COL2A1: variants seen among roughly 807,000 people sequenced by gnomAD.
The protein encoded by COL2A1 is collagen type II alpha 1 chain.
In COL2A1, 28 loss-of-function variants were observed where a neutral mutation model predicts 204.5. The observed-to-expected ratio is 0.14, with a 90% CI of 0.10 to 0.19. The LOEUF is 0.19. Among genes scored for constraint, COL2A1 ranks in the 10% least tolerant of loss-of-function variants. The pLI, the probability that COL2A1 is intolerant of heterozygous loss-of-function variation, is 1.00. For synonymous variants in COL2A1, 708 were observed against 718.7 expected (o/e 0.99, Z 0.24); for missense variants, 1,388 against 2,027.5 (o/e 0.68, Z 6.06).
At chr12:47,995,167 G>T (rs1939893878) in intron 11 of COL2A1, 88 bp downstream of exon 11, 1 of 1,133,026 alleles carries the variant, frequency 8.8e-7, no homozygotes, top group African/African-American at 1.5e-5. Flanking sequence ...TCCACCCTGG[G>T]TGCCTCCCTG....
chr12:48,005,524 C>A (rs911802160), upstream of COL2A1: 2 of 152,218 alleles, frequency 1.3e-5, no homozygotes, highest in Non-Finnish European at 2.9e-5. Context: ...GGGAGAAGCG[C>A]CAGAATTTCC....
At position 47,978,588 on chromosome 12, in the gene COL2A1, G is replaced by A; in HGVS notation, c.2895+9C>T. The stretch of plus-strand genomic sequence containing the variant: ...AGGGACCTTGGCATGGGCCTGGTGA[G>A]GGACTTACAGAGGGACCGTCATCTC... On this transcript the variant is annotated intron_variant, in intron 42 of 53. Transcript: ENST00000380518. The surrounding 1 kb of genome is among the most constrained non-coding windows in gnomAD (Gnocchi z 5.5). 1.9e-6 allele frequency: 3 copies of A among 1,613,456 alleles called. No individual in the cohort carries two copies. Among genetic ancestry groups the A allele is most frequent in the Non-Finnish European group, 2.5e-6 (3 of 1,179,920 alleles).
intron 26 of COL2A1, 50 bp from the exon 27 acceptor site, chr12:47,985,143 A>G (rs1456161938): frequency 6.8e-7 from 1 of 1,472,886 alleles, no homozygotes; most frequent in African/African-American, 1.4e-5. Flanking sequence ...GACCACATCC[A>G]TCCACCCAAC....
chr12:47,978,841 A>G lies in COL2A1; in HGVS notation c.2734-83T>C. 6.9e-7 allele frequency: 1 copy of G among 1,448,230 alleles called. No homozygotes were observed. The highest frequency in any genetic ancestry group is 9.6e-7 in the Non-Finnish European group (1 of 1,036,748). 89.7% of individuals were successfully genotyped at this position (1,448,230 alleles called of 1,614,324 possible). ...CCAAAGTCACTGTGGCCTCAGTGAC[A>G]GCAGTTTCCTCTCTGGGGGCTTCTC... On this transcript the variant is annotated intron_variant, in intron 41 of 53. Transcript: ENST00000380518. This position sits in a 1 kb window ranked among gnomAD's most constrained non-coding sequence, Gnocchi z 5.5.
chr12:47,998,431 C>T lies in COL2A1; in HGVS notation c.293G>A (p.Gly98Glu). The T allele has an allele frequency of 6.2e-7, 1 of 1,610,700 alleles. No individual in the cohort carries two copies. Among genetic ancestry groups the T allele is most frequent in the Non-Finnish European group, 8.5e-7 (1 of 1,178,082 alleles). Residue 98 changes from glycine to glutamate, a missense_variant and splice_region_variant, in exon 3 of 54, where the codon GGG (glycine) becomes GAG (glutamate). This residue lies in a region of COL2A1 where 201 missense variants were observed against 242.4 expected (regional missense o/e 0.83). Coordinates refer to ENST00000380518, the MANE Select transcript of COL2A1 (RefSeq NM_001844.5). Reference sequence around the variant, plus strand: ...AGCCCTTACCTTTGGTCCTGGTTGCCCTGCAAGGGAAAAAATATAGAGAAG... The same window carrying T: ...AGCCCTTACCTTTGGTCCTGGTTGCTCTGCAAGGGAAAAAATATAGAGAAG... ...ICPTDLATAS[G>E]QPGPKGQKGE...
chr12:47,978,771 A>T lies in COL2A1; in HGVS notation c.2734-13T>A, dbSNP rs186360720. The T allele has an allele frequency of 9.9e-6, 16 of 1,611,794 alleles. No homozygotes were observed. In the East Asian group the frequency reaches 3.1e-4, roughly 31 times the overall value. ...GTCCAGGGTTGCCCTAGAAGGAGAA[A>T]ATGCGGGAAGTGAGGACTCATCTCA... On this transcript the variant is annotated splice_polypyrimidine_tract_variant and intron_variant, in intron 41 of 53. Transcript: ENST00000380518. The surrounding 1 kb of genome is among the most constrained non-coding windows in gnomAD (Gnocchi z 5.5).
chr12:47,978,480 C>T lies in COL2A1; in HGVS notation c.2896-82G>A, dbSNP rs1054449911. 1.3e-6 allele frequency: 2 copies of T among 1,570,690 alleles called. No homozygotes were observed. Among genetic ancestry groups the T allele is most frequent in the African/African-American group, 2.7e-5 (2 of 73,840 alleles). ...CTCAGCACAGCTCTGTCTGTGCAGC[C>T]CCGCTCCCTGGCATCCCCACGGCCC... On this transcript the variant is annotated intron_variant, in intron 42 of 53. Transcript: ENST00000380518. The surrounding 1 kb of genome is among the most constrained non-coding windows in gnomAD (Gnocchi z 5.5).
intron 2 of COL2A1, 197 bp downstream of exon 2, chr12:47,999,721 AC>A (rs1940143069): frequency 1.8e-6 from 1 of 548,398 alleles, no homozygotes; most frequent in African/African-American, 2.0e-5. Context: ...GCAAAGAAGG[AC>A]CCCTCTAGTG....
In COL2A1 at chr12:47,982,990, G is replaced by T. The variant is rs199804074; in HGVS notation, c.2095-44C>A. On this transcript the variant is annotated intron_variant, in intron 32 of 53. Transcript: ENST00000380518. ...GAAGTGATCAACCAACAGCAGTGGGGGAGAAGGTCCAGGGAGAAGCAGGGA... is the reference window on the plus strand; with the variant it reads ...GAAGTGATCAACCAACAGCAGTGGGTGAGAAGGTCCAGGGAGAAGCAGGGA... 2.0e-4 allele frequency: 325 copies of T among 1,608,636 alleles called. 3 individuals carry two copies. The Admixed American group carries it at 2.3e-3, about 11-fold the overall frequency.
chr12:48,004,512 C>G, upstream of COL2A1: 1 of 521,864 alleles, frequency 1.9e-6, no homozygotes, highest in South Asian at 2.4e-5. Context: ...TATATGCGCC[C>G]GGCCCCTTTC....
rs1940222324 is a variant in COL2A1, at chr12:48,001,350, C to T, written c.86-1225G>A. Among the ~76,000 whole-genome samples the T allele has an allele frequency of 1.3e-5, 2 of 152,244 alleles. 1 individual carries two copies. The highest frequency in any genetic ancestry group is 4.1e-4 in the South Asian group (2 of 4,832). On this transcript the variant is annotated intron_variant, in intron 1 of 53. Coordinates refer to ENST00000380518, the MANE Select transcript of COL2A1 (RefSeq NM_001844.5). ...TTTTACTTTCCCACTAGAAGAAATC[C>T]GCCTAGCCTTTGGGCAAGATAATCA...
In COL2A1 at chr12:47,993,447, T is replaced by C. The variant is rs1172512569; in HGVS notation, c.969+11A>G. 6.2e-7 allele frequency: 1 copy of C among 1,606,638 alleles called. No homozygotes were observed. Among genetic ancestry groups the C allele is most frequent in the Admixed American group, 1.7e-5 (1 of 60,016 alleles). The stretch of plus-strand genomic sequence containing the variant: ...CTTTGATAAACCTTCCTGGAGGGTG[T>C]CCATACTTACCATTGGGCCCGGAGA... On this transcript the variant is annotated intron_variant, in intron 15 of 53. Coordinates refer to ENST00000380518, the MANE Select transcript of COL2A1 (RefSeq NM_001844.5).
At chr12:47,992,250 C>T (rs1168128762) in intron 16 of COL2A1, among the ~76,000 whole-genome samples, 1 of 152,180 alleles carries the variant, frequency 6.6e-6, no homozygotes, top group Non-Finnish European at 1.5e-5. Flanking sequence ...TAACTAGAGG[C>T]CACCAGAGTC....
chr12:47,975,259 A>C, intron 51 of COL2A1, 58 bp downstream of exon 51: 1 of 1,600,292 alleles, frequency 6.2e-7, no homozygotes, highest in Non-Finnish European at 8.5e-7. Context: ...CCTTGCTGCT[A>C]GGCCTAAGGG....
In COL2A1 at chr12:47,973,378, C is replaced by T. The variant is rs758719908; in HGVS notation, c.*29G>A. 49 of 1,613,930 alleles carry T rather than the reference C, an allele frequency of 3.0e-5. No individual in the cohort carries two copies. The highest frequency in any genetic ancestry group is 6.7e-5 in the African/African-American group (5 of 74,884). On this transcript the variant is annotated 3_prime_UTR_variant, in exon 54 of 54. Transcript: ENST00000380518. ...GTACTTGGGTCCTTTGGGTTTGCAACGGATTGTGTTGTTTCTGGGTTCAGG... is the reference window on the plus strand; with the variant it reads ...GTACTTGGGTCCTTTGGGTTTGCAATGGATTGTGTTGTTTCTGGGTTCAGG...
In COL2A1 at chr12:48,004,267, C is replaced by A; in HGVS notation, c.55G>T (p.Ala19Ser). Residue 19 changes from alanine (A) to serine (S), a missense_variant, in exon 1 of 54, where the codon GCT (alanine) becomes TCT (serine). By Grantham distance (99) the Ala-to-Ser change is moderately conservative (BLOSUM62 1). Around this residue, in one of 3 missense-constraint regions of COL2A1, gnomAD observed 201 missense variants for 242.4 expected, o/e 0.83. Transcript: ENST00000380518. ...TCCTGGCCCTGACACCGAAGGACAG[C>A]GGCGACGAGCAGCGTCAGCAGCACC... Reference protein sequence around the residue: ...TLVLLTLLVAAVLRCQGQDVQ... With the variant: ...TLVLLTLLVASVLRCQGQDVQ... The A allele has an allele frequency of 6.5e-7, 1 of 1,550,194 alleles. No homozygotes were observed. Among genetic ancestry groups the A allele is most frequent in the Non-Finnish European group, 8.7e-7 (1 of 1,146,372 alleles).
rs2136616573 is a variant in COL2A1, at chr12:47,995,315, A to G, written c.709-7T>C. ...CACGGGGACCCATGGGACCCTACAA[A>G]CAAAGGAAGATAGTTTAAGAGATGG... On this transcript the variant is annotated splice_polypyrimidine_tract_variant and splice_region_variant and intron_variant, in intron 10 of 53. Coordinates refer to ENST00000380518, the MANE Select transcript of COL2A1 (RefSeq NM_001844.5). 1.2e-6 allele frequency: 2 copies of G among 1,612,370 alleles called. No individual in the cohort carries two copies. The highest frequency in any genetic ancestry group is 1.7e-6 in the Non-Finnish European group (2 of 1,178,354).
At chr12:47,993,173 G>C (rs1171424004) in intron 15 of COL2A1, among the ~76,000 whole-genome samples, 2 of 152,184 alleles carry the variant, frequency 1.3e-5, no homozygotes, top group African/African-American at 4.8e-5. Flanking sequence ...GGGAACCTTT[G>C]TTACAAGCAC....
Position 47,985,592 on chromosome 12 carries a change from G to A in COL2A1, c.1681-5C>T, listed in dbSNP as rs1028818348. Reference sequence around the variant, plus strand: ...ACCAGGGCGGCCAGTGAGACCCTTTGTTCAGGAGAGAGAAGAGGGTGGGGT... The same window carrying A: ...ACCAGGGCGGCCAGTGAGACCCTTTATTCAGGAGAGAGAAGAGGGTGGGGT... On this transcript the variant is annotated splice_polypyrimidine_tract_variant and splice_region_variant and intron_variant, in intron 25 of 53. Coordinates refer to ENST00000380518, the MANE Select transcript of COL2A1 (RefSeq NM_001844.5). The A allele has an allele frequency of 1.9e-6, 3 of 1,613,890 alleles. No individual in the cohort carries two copies. Among genetic ancestry groups the A allele is most frequent in the African/African-American group, 2.7e-5 (2 of 74,912 alleles).
Sources: allele counts gnomAD v4.1 joint callset (sites outside exome capture counted in the v4.1 genomes callset), GRCh38; gene constraint gnomAD v4.1.1; regional missense constraint gnomAD v4.1.1; non-coding constraint Gnocchi (gnomAD v3.1); transcripts MANE v1.5; gene names NCBI Gene and HGNC (gene_info 2026-07-23, HGNC 2026-07-21).